The following CEP128 variants were observed in gnomAD, a reference collection of about 807,000 sequenced individuals.
CEP128 encodes centrosomal protein 128.
CEP128 carries 132 observed loss-of-function variants against 156.7 expected under a neutral mutation model. The observed-to-expected ratio is 0.84, with a 90% CI of 0.73 to 0.97. CEP128 has a LOEUF of 0.97. Among genes scored for constraint, CEP128 ranks in the 50% least tolerant of loss-of-function variants. The pLI, the probability that CEP128 is intolerant of heterozygous loss-of-function variation, is 0.00. For synonymous variants in CEP128, 469 were observed against 448.9 expected (o/e 1.04, Z -0.57); for missense variants, 1,252 against 1,281.9 (o/e 0.98, Z 0.36).
At chr14:80,532,576 T>C (rs759303891) in intron 21 of CEP128, among the ~76,000 whole-genome samples, 3 of 152,156 alleles carry the variant, frequency 2.0e-5, no homozygotes, top group Non-Finnish European at 4.4e-5. Flanking sequence ...TAACCCTTCC[T>C]TACAGACACT....
chr14:80,819,752 A>C (rs1490409530), intron 13 of CEP128, among the ~76,000 whole-genome samples: 1 of 152,188 alleles, frequency 6.6e-6, no homozygotes, highest in Non-Finnish European at 1.5e-5. Context: ...CCAACATTTC[A>C]GTGCTGAGTG....
intron 19 of CEP128, among the ~76,000 whole-genome samples, chr14:80,714,358 G>C (rs1276894546): frequency 6.6e-6 from 1 of 151,824 alleles, no homozygotes; most frequent in Admixed American, 6.6e-5. Flanking sequence ...TTCTCATTTA[G>C]GGTATAAACA....
chr14:80,635,410 CA>C (rs1055460883), intron 19 of CEP128, among the ~76,000 whole-genome samples: 3 of 152,020 alleles, frequency 2.0e-5, no homozygotes, highest in African/African-American at 4.8e-5. Flanking sequence ...AAAAAAAGAA[CA>C]AAAAAACCCC....
chr14:80,916,529 C>A lies in CEP128; in HGVS notation c.19G>T (p.Glu7Ter). The change falls in exon 3 of 25, where the codon GAA (glutamate) becomes TAA (stop). Residue 7 changes from glutamate to a stop codon, truncating the protein, a stop_gained. Coordinates refer to ENST00000555265, the MANE Select transcript of CEP128 (RefSeq NM_152446.5). LOFTEE classifies it high-confidence loss of function. MAESSSESDHFRCRDRL... is the reference protein window; with the variant it reads MAESSS ...TCACGACAGCGGAAGTGATCTGATTCGCTGGATGATTCTGCCATTGATGTA... is the reference window on the plus strand; with the variant it reads ...TCACGACAGCGGAAGTGATCTGATTAGCTGGATGATTCTGCCATTGATGTA... The A allele has an allele frequency of 6.2e-7, 1 of 1,613,708 alleles. No individual in the cohort carries two copies. The highest frequency in any genetic ancestry group is 1.1e-5 in the South Asian group (1 of 91,008).
intron 23 of CEP128, among the ~76,000 whole-genome samples, chr14:80,506,013 TAAC>T (rs1887955256): frequency 6.6e-6 from 1 of 152,164 alleles, no homozygotes; most frequent in African/African-American, 2.4e-5. Context: ...AAACAGGTAA[TAAC>T]AGGAAGAACC....
chr14:80,899,688 C>T (rs925434104), intron 7 of CEP128, among the ~76,000 whole-genome samples: 4 of 152,250 alleles, frequency 2.6e-5, no homozygotes, highest in Non-Finnish European at 2.9e-5. Context: ...TCACAGTGTA[C>T]CCCTCCATAA....
chr14:80,760,794 T>C (rs1172831745), intron 17 of CEP128, among the ~76,000 whole-genome samples: 4 of 152,146 alleles, frequency 2.6e-5, no homozygotes, highest in Non-Finnish European at 4.4e-5. Flanking sequence ...CTCTAAATTG[T>C]GTAGCAGTAT....
chr14:80,728,737 C>G (rs1898114561), intron 19 of CEP128, among the ~76,000 whole-genome samples: 1 of 152,040 alleles, frequency 6.6e-6, no homozygotes, highest in Non-Finnish European at 1.5e-5. Flanking sequence ...ATGTCTCTGT[C>G]TGGATTAAGA....
At chr14:80,587,888 GA>G (rs545894567) in intron 19 of CEP128, among the ~76,000 whole-genome samples, 27 of 152,214 alleles carry the variant, frequency 1.8e-4, no homozygotes, top group African/African-American at 6.5e-4. Flanking sequence ...CACATAATGG[GA>G]AGTTTGCTTT....
chr14:80,580,247 T>C (rs999747884), intron 20 of CEP128, 127 bp downstream of exon 20: 1 of 577,134 alleles, frequency 1.7e-6, no homozygotes, highest in Admixed American at 2.9e-5. Flanking sequence ...ATTCCAACTT[T>C]ATAGTTCTGA....
chr14:80,806,843 G>A (rs1156552838), intron 13 of CEP128, among the ~76,000 whole-genome samples: 1 of 152,054 alleles, frequency 6.6e-6, no homozygotes, highest in Admixed American at 6.6e-5. Context: ...AATATTGAGG[G>A]AGAGAAACTA....
At position 80,526,998 on chromosome 14, in the gene CEP128, AG is replaced by A; in HGVS notation, c.2959-17del. On this transcript the variant is annotated splice_polypyrimidine_tract_variant and intron_variant, in intron 22 of 24. Coordinates refer to ENST00000555265, the MANE Select transcript of CEP128 (RefSeq NM_152446.5). ...TGCAGGAATCCTGGAAAAAAAAAAA[AG>A]CAAAGGGTCTGAACTGGTAGATGAA... 3 of 1,348,152 alleles carry A rather than the reference AG, an allele frequency of 2.2e-6. No homozygotes were observed. Among genetic ancestry groups the A allele is most frequent in the Non-Finnish European group, 3.1e-6 (3 of 952,794 alleles). 83.5% of individuals were successfully genotyped at this position (1,348,152 alleles called of 1,614,324 possible).
At chr14:80,598,312 C>A (rs1595067323) in intron 19 of CEP128, among the ~76,000 whole-genome samples, 1 of 152,142 alleles carries the variant, frequency 6.6e-6, no homozygotes, top group African/African-American at 2.4e-5. Context: ...TATTTCTATA[C>A]ATTAGGAGTG....
rs76250948 is a variant in CEP128, at chr14:80,779,392, T to A, written c.2212-1346A>T. Reference sequence around the variant, plus strand: ...AATTAACAAAGAAATTGATTTTTTATGAGCAATCCTATATTCACAGCCCAA... The same window carrying A: ...AATTAACAAAGAAATTGATTTTTTAAGAGCAATCCTATATTCACAGCCCAA... On this transcript the variant is annotated intron_variant, in intron 15 of 24. Transcript: ENST00000555265. Among the ~76,000 whole-genome samples the A allele has an allele frequency of 7.7e-3, 1,173 of 152,324 alleles. 19 individuals carry two copies. Among genetic ancestry groups the A allele is most frequent in the African/African-American group, 0.026 (1,077 of 41,566 alleles).
chr14:80,620,939 T>C (rs1037135662), intron 19 of CEP128, among the ~76,000 whole-genome samples: 4 of 152,142 alleles, frequency 2.6e-5, no homozygotes, highest in Non-Finnish European at 4.4e-5. Context: ...AAACAAGTTA[T>C]GGGTACATAC....
At position 80,838,238 on chromosome 14, in the gene CEP128, T is replaced by C. The variant is rs1160985311; in HGVS notation, c.890A>G (p.Gln297Arg). 6.2e-7 allele frequency: 1 copy of C among 1,613,678 alleles called. No homozygotes were observed. The highest frequency in any genetic ancestry group is 2.2e-5 in the East Asian group (1 of 44,836). Residue 297 changes from glutamine to arginine, a missense_variant, in exon 11 of 25, where the codon CAA (glutamine) becomes CGA (arginine). By Grantham distance (43) the Gln-to-Arg change is conservative. Transcript: ENST00000555265. The stretch of plus-strand genomic sequence containing the variant: ...AAGTGTTTCTCGGCTGCCTTCTGAT[T>C]GATTCAATAACCTTCGAGATAGCTC... ...ELELSRRLLN[Q>R]SEGSRETLLH... is the part of the protein sequence containing the mutation.
intron 19 of CEP128, among the ~76,000 whole-genome samples, chr14:80,690,267 T>C (rs909779222): frequency 7.6e-6 from 1 of 131,128 alleles, no homozygotes; most frequent in African/African-American, 3.1e-5. Context: ...AAAAAAAAAA[T>C]TAGCCGGGCA....
intron 9 of CEP128, among the ~76,000 whole-genome samples, chr14:80,843,054 G>T (rs1213351600): frequency 1.3e-5 from 2 of 151,824 alleles, no homozygotes; most frequent in Non-Finnish European, 1.5e-5. Flanking sequence ...AAAAAAAAAG[G>T]TAGTTTTTCT....
intron 19 of CEP128, among the ~76,000 whole-genome samples, chr14:80,656,634 A>G (rs1041268207): frequency 6.6e-6 from 1 of 152,068 alleles, no homozygotes; most frequent in African/African-American, 2.4e-5. Flanking sequence ...GCTCTAGTCT[A>G]TCTAAATCTA....
Sources: allele counts gnomAD v4.1 joint callset (sites outside exome capture counted in the v4.1 genomes callset), GRCh38; gene constraint gnomAD v4.1.1; transcripts MANE v1.5; gene names NCBI Gene and HGNC (gene_info 2026-07-23, HGNC 2026-07-21).